The following PREX1 variants were observed in gnomAD, a reference collection of about 807,000 sequenced individuals.
PREX1 encodes phosphatidylinositol-3,4,5-trisphosphate dependent Rac exchange factor 1, also known as phosphatidylinositol 3,4,5-trisphosphate-dependent Rac exchanger 1 protein.
PREX1 carries 41 observed loss-of-function variants against 198.3 expected under a neutral mutation model. That is an observed-to-expected ratio of 0.21 (90% CI 0.16 to 0.27). PREX1 has a LOEUF of 0.27. Ranked by LOEUF, PREX1 falls within the 10% of genes least tolerant of loss-of-function variation. PREX1 has a pLI of 1.00. For synonymous variants in PREX1, 843 were observed against 887.2 expected, an observed-to-expected ratio of 0.95 and a Z score of 0.89; for missense variants, 1,620 against 2,200.7, an observed-to-expected ratio of 0.74 and a Z score of 5.28.
chr20:48,742,597 G>A (rs544800750), intron 3 of PREX1, among the ~76,000 whole-genome samples: 20 of 152,238 alleles, frequency 1.3e-4, no homozygotes, highest in Middle Eastern at 3.4e-3. Context: ...CCCTCCACAC[G>A]TCATGACTCT....
At chr20:48,723,879 A>G (rs906068177) in intron 5 of PREX1, among the ~76,000 whole-genome samples, 6 of 152,128 alleles carry the variant, frequency 3.9e-5, no homozygotes, top group Non-Finnish European at 7.3e-5. Flanking sequence ...ATGTGTTAAA[A>G]TATGTCACGG....
chr20:48,830,511 A>G (rs909912973), upstream of PREX1, among the ~76,000 whole-genome samples: 3 of 152,340 alleles, frequency 2.0e-5, no homozygotes, highest in African/African-American at 7.2e-5. Context: ...TTCTCAGCCC[A>G]TGACCAAGGA....
At chr20:48,637,590 T>C in intron 31 of PREX1, 121 bp downstream of exon 31, 2 of 1,035,532 alleles carry the variant, frequency 1.9e-6, no homozygotes, top group East Asian at 2.7e-5. Context: ...AAGTAGCTCT[T>C]GGAGGGGCTC....
intron 3 of PREX1, among the ~76,000 whole-genome samples, chr20:48,734,957 C>G (rs2090050617): frequency 6.6e-6 from 1 of 152,184 alleles, no homozygotes; most frequent in African/African-American, 2.4e-5. Context: ...TCCTGTGAAC[C>G]TGGGCAGGTT....
At chr20:48,729,798 T>A (rs1305805500) in intron 4 of PREX1, among the ~76,000 whole-genome samples, 1 of 152,164 alleles carries the variant, frequency 6.6e-6, no homozygotes, top group Non-Finnish European at 1.5e-5. Context: ...TTGAATGGTG[T>A]TCCCCAAAAT....
the PREX1 span, among the ~76,000 whole-genome samples, chr20:48,867,911 A>G: frequency 6.8e-6 from 1 of 147,194 alleles, no homozygotes; most frequent in Non-Finnish European, 1.5e-5. Context: ...GTCTCACCAT[A>G]TTGCCCAGGC....
At chr20:48,840,875 T>A in the PREX1 span, among the ~76,000 whole-genome samples, 1 of 151,970 alleles carries the variant, frequency 6.6e-6, no homozygotes, top group South Asian at 2.1e-4. Flanking sequence ...CAGGCTGGAG[T>A]GCAGTGGCAT....
At chr20:48,876,410 T>C in the PREX1 span, among the ~76,000 whole-genome samples, 2 of 152,180 alleles carry the variant, frequency 1.3e-5, no homozygotes, top group African/African-American at 2.4e-5. Flanking sequence ...CAAGTGCTTA[T>C]CTTATCAAAC....
intron 1 of PREX1, among the ~76,000 whole-genome samples, chr20:48,781,596 C>T (rs1349661814): frequency 6.6e-6 from 1 of 151,976 alleles, no homozygotes; most frequent in Non-Finnish European, 1.5e-5. Flanking sequence ...AGTCAGACAC[C>T]CCCTGCCTCA....
intron 1 of PREX1, among the ~76,000 whole-genome samples, chr20:48,765,442 T>C (rs1247281693): frequency 6.6e-6 from 1 of 152,188 alleles, no homozygotes; most frequent in Non-Finnish European, 1.5e-5. Flanking sequence ...AAGGGAAACC[T>C]TGGGATACTA....
chr20:48,628,698 G>T (rs2089291349), intron 37 of PREX1, among the ~76,000 whole-genome samples: 1 of 152,126 alleles, frequency 6.6e-6, no homozygotes, highest in Non-Finnish European at 1.5e-5. Context: ...CCTAAAATAG[G>T]CCCCACTACT....
the PREX1 span, among the ~76,000 whole-genome samples, chr20:48,863,584 G>GTT: frequency 8.3e-6 from 1 of 120,356 alleles, no homozygotes; most frequent in African/African-American, 3.2e-5. Flanking sequence ...TTTTCATATT[G>GTT]TCTTTTTTTT....
chr20:48,827,904 C>A lies in PREX1; in HGVS notation c.-44G>T, dbSNP rs868706835. 6.3e-3 allele frequency: 5,636 copies of A among 887,610 alleles called. 262 individuals are homozygous for A. In the African/African-American group the frequency reaches 0.096, roughly 15 times the overall value. 55.0% of individuals were successfully genotyped at this position (887,610 alleles called of 1,614,324 possible). On this transcript the variant is annotated 5_prime_UTR_variant, in exon 1 of 40. Transcript: ENST00000371941. This position sits in a 1 kb window ranked among gnomAD's most constrained non-coding sequence, Gnocchi z 4.1. ...CGCCGGCTCCTTCCGTCGCGCCGAG[C>A]GGCAACTCAGGCGTCCAGGCGCCCC... is the stretch of plus-strand genomic sequence containing the variant.
chr20:48,677,509 C>T (rs529443516), intron 13 of PREX1, among the ~76,000 whole-genome samples: 6 of 152,346 alleles, frequency 3.9e-5, no homozygotes, highest in African/African-American at 7.2e-5. Flanking sequence ...AGGAGCCATT[C>T]AAAGCACCTT....
chr20:48,664,374 G>GAA (rs11476844), intron 15 of PREX1, among the ~76,000 whole-genome samples: 65 of 137,268 alleles, frequency 4.7e-4, no homozygotes, highest in South Asian at 7.0e-4. Flanking sequence ...GACTCCGTCT[G>GAA]AAAAAAAAAA....
intron 1 of PREX1, among the ~76,000 whole-genome samples, chr20:48,804,592 C>T (rs1197061777): frequency 2.6e-5 from 4 of 152,128 alleles, no homozygotes; most frequent in African/African-American, 4.8e-5. Flanking sequence ...TGGGAGGCAG[C>T]GGGGGCTCAG....
intron 37 of PREX1, among the ~76,000 whole-genome samples, chr20:48,628,541 C>A (rs2089290442): frequency 6.6e-6 from 1 of 152,158 alleles, no homozygotes; most frequent in Non-Finnish European, 1.5e-5. Flanking sequence ...AGGGGCTGTC[C>A]TGGGAACCAC....
At chr20:48,710,825 G>A (rs2089927159) in intron 5 of PREX1, among the ~76,000 whole-genome samples, 1 of 152,362 alleles carries the variant, frequency 6.6e-6, no homozygotes, top group African/African-American at 2.4e-5. Flanking sequence ...GGAAGGAGAA[G>A]AGCACGTGCA....
chr20:48,644,209 C>T (rs894721036), intron 27 of PREX1, among the ~76,000 whole-genome samples, 200 bp downstream of exon 27: 2 of 152,184 alleles, frequency 1.3e-5, no homozygotes, highest in African/African-American at 4.8e-5. Context: ...CTTTCGCTGC[C>T]GCATTCCCAG....
Sources: gnomAD v4.1 joint callset for allele counts (sites outside exome capture counted in the v4.1 genomes callset) on GRCh38, gnomAD v4.1.1 for gene constraint, Gnocchi (gnomAD v3.1) non-coding constraint, MANE v1.5 for transcripts, NCBI Gene and HGNC (gene_info 2026-07-23, HGNC 2026-07-21) for gene names.